Variants in BRD4 observed in about 807,000 individuals in gnomAD.
BRD4 encodes the protein bromodomain containing 4.
Under a neutral mutation model 142.1 loss-of-function variants are expected in BRD4, and 16 were observed. That is an observed-to-expected ratio of 0.11 (90% CI 0.08 to 0.17). The LOEUF is 0.17. BRD4 is among the 10% of genes least tolerant of loss of function. The pLI, the probability that BRD4 is intolerant of heterozygous loss-of-function variation, is 1.00. For missense variants in BRD4, 1,424 were observed against 1,810.9 expected (o/e 0.79, Z 3.88); for synonymous variants, 833 against 707.5 (o/e 1.18, Z -2.82).
chr19:15,248,964 T>C (rs542060259), intron 11 of BRD4: 10 of 488,510 alleles, frequency 2.0e-5, no homozygotes, highest in African/African-American at 9.5e-5. Flanking sequence ...GTGTTGGGGA[T>C]TGTCATCACC....
At chr19:15,247,458 A>T (rs1599438651) in intron 11 of BRD4, 2 of 233,054 alleles carry the variant, frequency 8.6e-6, no homozygotes, top group East Asian at 1.2e-4. Context: ...GTTCTCTGCC[A>T]GATGGAAGCC....
intron 1 of BRD4, among the ~76,000 whole-genome samples, chr19:15,292,637 G>C (rs1357942965): frequency 6.6e-6 from 1 of 151,728 alleles, no homozygotes; most frequent in African/African-American, 2.4e-5. Context: ...AATTAGCTGG[G>C]CGTGGTGGCG....
intron 1 of BRD4, among the ~76,000 whole-genome samples, chr19:15,318,154 A>C (rs2145724743): frequency 6.6e-6 from 1 of 152,346 alleles, no homozygotes; most frequent in South Asian, 2.1e-4. Flanking sequence ...AGTTACAAAA[A>C]TCATGCCTGT....
At chr19:15,249,487 A>G (rs1303513865) in intron 11 of BRD4, among the ~76,000 whole-genome samples, 2 of 152,188 alleles carry the variant, frequency 1.3e-5, no homozygotes, top group Non-Finnish European at 2.9e-5. Context: ...CCGCCCGCTT[A>G]GAAAGGTCAC....
intron 1 of BRD4, among the ~76,000 whole-genome samples, chr19:15,293,487 A>G (rs2047799895): frequency 6.6e-6 from 1 of 152,232 alleles, no homozygotes; most frequent in Non-Finnish European, 1.5e-5. Context: ...CTCTTGCCAA[A>G]AGAAAAATCA....
rs921948175 is a variant in BRD4, at chr19:15,273,074, G to A, written c.26C>T (p.Thr9Met). The change falls in exon 2 of 20, where the codon ACG becomes ATG. Residue 9 changes from threonine to methionine, a missense_variant. Coordinates refer to ENST00000679869, the MANE Select transcript of BRD4 (RefSeq NM_001379291.1). Reference protein sequence around the residue: MSAESGPGTRLRNLPVMGD... With the variant: MSAESGPGMRLRNLPVMGD... ...CATTACTGGCAGATTTCTCAATCTC[G>A]TCCCAGGGCCGCTCTCCGCAGACAT... is the stretch of plus-strand genomic sequence containing the variant. 5.6e-6 allele frequency: 9 copies of A among 1,605,308 alleles called. No homozygotes were observed. Among genetic ancestry groups the A allele is most frequent in the Non-Finnish European group, 7.7e-6 (9 of 1,174,648 alleles).
At chr19:15,242,390 G>A (rs575793654) in intron 14 of BRD4, among the ~76,000 whole-genome samples, 12 of 152,188 alleles carry the variant, frequency 7.9e-5, no homozygotes, top group Non-Finnish European at 1.2e-4. Flanking sequence ...AAAGGGTGGC[G>A]TGGACTGGGC....
intron 7 of BRD4, among the ~76,000 whole-genome samples, chr19:15,262,196 C>T (rs2047478760): frequency 1.3e-5 from 2 of 152,126 alleles, no homozygotes; most frequent in African/African-American, 4.8e-5. Context: ...CTCTGCCTGG[C>T]ACCGATCCAC....
intron 1 of BRD4, among the ~76,000 whole-genome samples, chr19:15,328,831 T>C (rs929764835): frequency 3.9e-5 from 6 of 152,338 alleles, no homozygotes; most frequent in East Asian, 1.9e-4. Flanking sequence ...TGGAGTGCAA[T>C]GGCATGACCT....
chr19:15,278,540 C>T (rs2047674092), intron 1 of BRD4, among the ~76,000 whole-genome samples: 1 of 100,214 alleles, frequency 1.0e-5, no homozygotes, highest in Non-Finnish European at 1.9e-5. Context: ...GCCCAACCCC[C>T]GCCAAAAAAA....
intron 14 of BRD4, among the ~76,000 whole-genome samples, chr19:15,241,133 T>C (rs1453491798): frequency 2.0e-5 from 3 of 152,248 alleles, no homozygotes; most frequent in Admixed American, 6.5e-5. Context: ...CGCAGCCCAC[T>C]GCTGTGTGTG....
chr19:15,249,097 G>A (rs1372470789), intron 11 of BRD4: 4 of 948,644 alleles, frequency 4.2e-6, no homozygotes, highest in Non-Finnish European at 4.7e-6. Context: ...TCCCGAAGGC[G>A]GGACTAGGCG....
intron 7 of BRD4, among the ~76,000 whole-genome samples, chr19:15,258,687 A>G (rs999968085): frequency 2.0e-5 from 3 of 151,870 alleles, no homozygotes; most frequent in Non-Finnish European, 4.4e-5. Context: ...ATGGCTCACT[A>G]CAGCCTCATC....
At chr19:15,310,969 C>A (rs567273415) in intron 1 of BRD4, among the ~76,000 whole-genome samples, 2 of 152,078 alleles carry the variant, frequency 1.3e-5, no homozygotes, top group Non-Finnish European at 2.9e-5. Context: ...TCCGCACCCA[C>A]GTTCTTAGTT....
At chr19:15,320,475 A>AT (rs1181380697) in intron 1 of BRD4, among the ~76,000 whole-genome samples, 1 of 152,224 alleles carries the variant, frequency 6.6e-6, no homozygotes, top group Non-Finnish European at 1.5e-5. Context: ...TACAGATTAC[A>AT]TAAGTTATAT....
Position 15,244,775 on chromosome 19 carries a change from A to G in BRD4, c.2159-13T>C, listed in dbSNP as rs1007742474. 2 of 1,614,048 alleles carry G rather than the reference A, an allele frequency of 1.2e-6. No homozygotes were observed. The highest frequency in any genetic ancestry group is 1.7e-6 in the Non-Finnish European group (2 of 1,180,010). On this transcript the variant is annotated splice_polypyrimidine_tract_variant and intron_variant, in intron 11 of 19. Transcript: ENST00000679869. ...TTCGGAGCCATCTCTGCAGAGGAAA[A>G]GAGAAGGTAGTGAGGCTCTGGGGGA...
intron 11 of BRD4, among the ~76,000 whole-genome samples, chr19:15,252,430 G>A (rs1395762929): frequency 6.6e-6 from 1 of 152,228 alleles, no homozygotes; most frequent in African/African-American, 2.4e-5. Flanking sequence ...AAAACAGGAG[G>A]TGCAAAAACC....
rs1265054105 is a variant in BRD4, at chr19:15,249,206, T to C, written c.2159-4444A>G. On this transcript the variant is annotated intron_variant, in intron 11 of 19. Transcript: ENST00000679869. Reference sequence around the variant, plus strand: ...GTCCTGTCCCTTTCACGGAAGAAAATGGACTTAAGCTATAGCTTGCTGGGA... The same window carrying C: ...GTCCTGTCCCTTTCACGGAAGAAAACGGACTTAAGCTATAGCTTGCTGGGA... 30 of 1,612,276 alleles carry C rather than the reference T, an allele frequency of 1.9e-5. No individual in the cohort carries two copies. The Middle Eastern group carries it at 4.9e-4, about 27-fold the overall frequency.
chr19:15,247,563 T>C lies in BRD4; in HGVS notation c.2159-2801A>G, dbSNP rs1327124969. 28 of 232,950 alleles carry C rather than the reference T, an allele frequency of 1.2e-4. 1 individual carries two copies. Among genetic ancestry groups the C allele is most frequent in the East Asian group, 9.1e-4 (15 of 16,470 alleles). 14.4% of individuals were successfully genotyped at this position (232,950 alleles called of 1,614,324 possible). On this transcript the variant is annotated intron_variant, in intron 11 of 19. Coordinates refer to ENST00000679869, the MANE Select transcript of BRD4 (RefSeq NM_001379291.1). ...GCTATGGCCCATGTGCACACGTGTGTGCGCGTGCGTGCGTGTGTCGGGGGC... is the reference window on the plus strand; with the variant it reads ...GCTATGGCCCATGTGCACACGTGTGCGCGCGTGCGTGCGTGTGTCGGGGGC...
Sources: gnomAD v4.1 joint callset for allele counts (sites outside exome capture counted in the v4.1 genomes callset) on GRCh38, gnomAD v4.1.1 for gene constraint, MANE v1.5 for transcripts, NCBI Gene and HGNC (gene_info 2026-07-23, HGNC 2026-07-21) for gene names.